DDX46: variants seen among roughly 807,000 people sequenced by gnomAD.
DDX46 encodes the protein DEAD-box helicase 46, also known as probable ATP-dependent RNA helicase DDX46.
DDX46 carries 30 observed loss-of-function variants against 134.9 expected under a neutral mutation model. The observed-to-expected ratio is 0.22, with a 90% CI of 0.17 to 0.30. The LOEUF is 0.30. Ranked by LOEUF, DDX46 falls within the 10% of genes least tolerant of loss-of-function variation. The probability of loss-of-function intolerance (pLI) is 1.00; values close to 1 mark genes in which losing one functional copy is unlikely to be tolerated. For missense variants in DDX46, 622 were observed against 1,248.7 expected (o/e 0.50, Z 7.56); for synonymous variants, 415 against 404.1 (o/e 1.03, Z -0.32).
chr5:134,781,527 AATTTTCTT>A (rs1271285463), intron 7 of DDX46, among the ~76,000 whole-genome samples: 1 of 152,200 alleles, frequency 6.6e-6, no homozygotes, highest in African/African-American at 2.4e-5. Flanking sequence ...AGAATGAATT[AATTTTCTT>A]TCCATTAACA....
rs1466244164 is a variant in DDX46 at position 134,785,596 on chromosome 5, T to G, written c.1464+10T>G. ...AGGAATCAGTGAGCAGGTAGTTATA[T>G]AAGAAACATTCATGTTTTCCATTCT... On this transcript the variant is annotated intron_variant, in intron 11 of 22. Transcript: ENST00000452510. 1 of 1,595,848 alleles carries G rather than the reference T, an allele frequency of 6.3e-7. No homozygotes were observed. The highest frequency in any genetic ancestry group is 1.3e-5 in the African/African-American group (1 of 74,142).
At chr5:134,827,233 T>C (rs1443520051) in intron 22 of DDX46, among the ~76,000 whole-genome samples, 1 of 151,858 alleles carries the variant, frequency 6.6e-6, no homozygotes, top group East Asian at 1.9e-4. Flanking sequence ...TCACTATTCA[T>C]CTCCCCCCAA....
At chr5:134,813,850 C>CCTGGGCT (rs1297083860) in intron 18 of DDX46, among the ~76,000 whole-genome samples, 1 of 151,354 alleles carries the variant, frequency 6.6e-6, no homozygotes, top group African/African-American at 2.4e-5. Context: ...GTCTGAAATT[C>CCTGGGCT]CTGGGCTCAA....
chr5:134,781,768 A>G (rs947813353), intron 7 of DDX46, among the ~76,000 whole-genome samples, 153 bp from the exon 8 acceptor site: 2 of 152,256 alleles, frequency 1.3e-5, no homozygotes, highest in South Asian at 2.1e-4. Context: ...CTGGAGCACT[A>G]TAAAAATCTT....
rs961525175 is a variant in DDX46 at position 134,783,083 on chromosome 5, G to T, written c.1166+18G>T. 5.0e-6 allele frequency: 8 copies of T among 1,610,744 alleles called. No individual in the cohort carries two copies. Among genetic ancestry groups the T allele is most frequent in the Non-Finnish European group, 5.9e-6 (7 of 1,178,068 alleles). ...CTCAAGAAGTAAGTGGTTGGTGGTTGTTTATGTTTTCCGTGTCTTGCTGCT... is the reference window on the plus strand; with the variant it reads ...CTCAAGAAGTAAGTGGTTGGTGGTTTTTTATGTTTTCCGTGTCTTGCTGCT... On this transcript the variant is annotated intron_variant, in intron 9 of 22. Coordinates refer to ENST00000452510, the MANE Select transcript of DDX46 (RefSeq NM_001300860.2).
intron 16 of DDX46, among the ~76,000 whole-genome samples, chr5:134,810,498 A>G (rs1033769230): frequency 2.0e-5 from 3 of 150,430 alleles, no homozygotes; most frequent in Non-Finnish European, 4.4e-5. Context: ...CCACCACCAC[A>G]CTCGGCTAAT....
At chr5:134,764,997 C>T (rs1326445709) in intron 2 of DDX46, among the ~76,000 whole-genome samples, 1 of 151,702 alleles carries the variant, frequency 6.6e-6, no homozygotes, top group Non-Finnish European at 1.5e-5. Flanking sequence ...AGACCCTCTC[C>T]AAGCCTCTTA....
chr5:134,814,052 C>G (rs1464545353), intron 18 of DDX46, among the ~76,000 whole-genome samples: 1 of 152,196 alleles, frequency 6.6e-6, no homozygotes, highest in African/African-American at 2.4e-5. Flanking sequence ...TTCCTCTTTT[C>G]TGTGGTTTTA....
chr5:134,772,964 T>C (rs1392298417), intron 4 of DDX46, among the ~76,000 whole-genome samples: 3 of 152,136 alleles, frequency 2.0e-5, no homozygotes, highest in Non-Finnish European at 4.4e-5. Context: ...CATGCCCAGC[T>C]AATTTTTGTG....
intron 1 of DDX46, among the ~76,000 whole-genome samples, chr5:134,761,909 T>G (rs543278683): frequency 6.6e-6 from 1 of 152,258 alleles, no homozygotes; most frequent in South Asian, 2.1e-4. Context: ...CTTTCTCCTT[T>G]TGTCCTTGCC....
At chr5:134,810,784 TC>T (rs1423079286) in intron 16 of DDX46, among the ~76,000 whole-genome samples, 1 of 151,536 alleles carries the variant, frequency 6.6e-6, no homozygotes, top group African/African-American at 2.4e-5. Flanking sequence ...GGCGGGCGGA[TC>T]ACCTGAGGTC....
At chr5:134,759,970 C>T (rs764990593) in intron 1 of DDX46, among the ~76,000 whole-genome samples, 1 of 152,156 alleles carries the variant, frequency 6.6e-6, no homozygotes, top group Non-Finnish European at 1.5e-5. Context: ...ATTCTACATC[C>T]TTTGCCCATT....
At chr5:134,767,633 G>A (rs1182599590) in intron 3 of DDX46, among the ~76,000 whole-genome samples, 1 of 151,374 alleles carries the variant, frequency 6.6e-6, no homozygotes, top group African/African-American at 2.4e-5. Flanking sequence ...GAGCCACCGC[G>A]CCCAGCCAAG....
chr5:134,795,215 TTTTTG>T lies in DDX46; in HGVS notation c.1791+206_1791+210del, dbSNP rs1186575172. On this transcript the variant is annotated intron_variant, in intron 14 of 22. Coordinates refer to ENST00000452510, the MANE Select transcript of DDX46 (RefSeq NM_001300860.2). ...TATTTAAAATGCTTGTTTTTTTTTTTTTTTGTTTTTTTTTTGCTGGGTGCAGTGGT... is the reference window on the plus strand; with the variant it reads ...TATTTAAAATGCTTGTTTTTTTTTTTTTTTTTTTTTGCTGGGTGCAGTGGT... Among the ~76,000 whole-genome samples the T allele has an allele frequency of 7.5e-3, 1,126 of 149,194 alleles. 7 individuals are homozygous for T. Among genetic ancestry groups the T allele is most frequent in the Middle Eastern group, 0.025 (7 of 284 alleles).
At chr5:134,779,503 T>A (rs1417505017) in intron 6 of DDX46, among the ~76,000 whole-genome samples, 2 of 152,064 alleles carry the variant, frequency 1.3e-5, no homozygotes, top group Non-Finnish European at 2.9e-5. Context: ...CTTATTTTAT[T>A]TTTTATTTAA....
At chr5:134,813,364 G>A (rs1755201308) in intron 18 of DDX46, among the ~76,000 whole-genome samples, 4 of 152,198 alleles carry the variant, frequency 2.6e-5, no homozygotes, top group African/African-American at 9.7e-5. Flanking sequence ...AGTTTAGTCA[G>A]GTAGTTCTGG....
intron 15 of DDX46, among the ~76,000 whole-genome samples, chr5:134,806,361 T>C (rs1754986538): frequency 6.6e-6 from 1 of 152,120 alleles, no homozygotes. Context: ...GTGAACAAAA[T>C]TGGGGTTATT....
intron 21 of DDX46, among the ~76,000 whole-genome samples, chr5:134,822,424 C>T (rs1755481225): frequency 6.6e-6 from 1 of 152,080 alleles, no homozygotes; most frequent in Non-Finnish European, 1.5e-5. Context: ...CTTCAAACTC[C>T]AGGGTTCAAG....
Position 134,807,745 on chromosome 5 carries a change from C to T in DDX46, c.1955-3C>T. On this transcript the variant is annotated splice_region_variant and splice_polypyrimidine_tract_variant and intron_variant, in intron 15 of 22. Transcript: ENST00000452510. The stretch of plus-strand genomic sequence containing the variant: ...GTTTTAAAGCTCTCTAATTTACTTG[C>T]AGGCATTGATCAATATGACAGAGAT... The T allele has an allele frequency of 6.2e-7, 1 of 1,603,408 alleles. No individual in the cohort carries two copies. Among genetic ancestry groups the T allele is most frequent in the Non-Finnish European group, 8.5e-7 (1 of 1,173,536 alleles).
Sources: allele counts gnomAD v4.1 joint callset (sites outside exome capture counted in the v4.1 genomes callset), GRCh38; gene constraint gnomAD v4.1.1; transcripts MANE v1.5; gene names NCBI Gene and HGNC (gene_info 2026-07-23, HGNC 2026-07-21).